The following SH3BGR variants were observed in gnomAD, a reference collection of about 807,000 sequenced individuals.
SH3BGR encodes the protein SH3 domain binding glutamate rich protein, also known as SH3 domain-binding glutamic acid-rich protein.
A neutral mutation model predicts 24.5 loss-of-function variants in SH3BGR; 29 were observed. The observed-to-expected ratio is 1.18, with a 90% CI of 0.88 to 1.61. The LOEUF (loss-of-function observed/expected upper bound fraction) is 1.61, where lower values mean the gene tolerates loss of function less well. SH3BGR is among the 40% of genes most tolerant of loss of function. The probability of loss-of-function intolerance (pLI) is 0.00; values close to 1 mark genes in which losing one functional copy is unlikely to be tolerated. For missense variants in SH3BGR, 162 were observed against 205.8 expected (o/e 0.79, Z 1.30); for synonymous variants, 55 against 65.7 (o/e 0.84, Z 0.79).
intron 3 of SH3BGR, among the ~76,000 whole-genome samples, chr21:39,499,605 C>A (rs1054817272): frequency 6.6e-6 from 1 of 152,164 alleles, no homozygotes; most frequent in African/African-American, 2.4e-5. Context: ...TGTTACCCTG[C>A]AATGCACATA....
intron 4 of SH3BGR, among the ~76,000 whole-genome samples, chr21:39,502,125 A>T (rs757281203): frequency 6.6e-6 from 1 of 152,230 alleles, no homozygotes; most frequent in Non-Finnish European, 1.5e-5. Flanking sequence ...GTGAGCTGAG[A>T]TCGTGCCACT....
chr21:39,494,533 G>A (rs1352866971), intron 3 of SH3BGR, among the ~76,000 whole-genome samples: 2 of 151,870 alleles, frequency 1.3e-5, no homozygotes, highest in East Asian at 3.9e-4. Flanking sequence ...CCTTGGATGT[G>A]TTTTTTTCCC....
At chr21:39,476,906 C>G (rs2078036998) in intron 3 of SH3BGR, among the ~76,000 whole-genome samples, 1 of 152,090 alleles carries the variant, frequency 6.6e-6, no homozygotes, top group African/African-American at 2.4e-5. Flanking sequence ...AAATTTTTGA[C>G]AGAGTTACTG....
intron 3 of SH3BGR, among the ~76,000 whole-genome samples, chr21:39,496,605 A>T (rs1023687756): frequency 2.6e-5 from 4 of 152,282 alleles, no homozygotes; most frequent in Admixed American, 1.3e-4. Context: ...TAGAATTGAT[A>T]AGATGGTTTC....
At chr21:39,452,966 C>A (rs2077598709) in intron 1 of SH3BGR, among the ~76,000 whole-genome samples, 1 of 152,162 alleles carries the variant, frequency 6.6e-6, no homozygotes, top group South Asian at 2.1e-4. Context: ...GTTAGGAAGG[C>A]TGTGGAGAGA....
At chr21:39,503,425 A>AAG (rs1246189307) in intron 4 of SH3BGR, among the ~76,000 whole-genome samples, 1 of 152,100 alleles carries the variant, frequency 6.6e-6, no homozygotes, top group Non-Finnish European at 1.5e-5. Flanking sequence ...TTTTAAAAAA[A>AAG]CCTGCCTTCA....
At chr21:39,477,569 G>A (rs942977501) in intron 3 of SH3BGR, among the ~76,000 whole-genome samples, 1 of 152,060 alleles carries the variant, frequency 6.6e-6, no homozygotes, top group Non-Finnish European at 1.5e-5. Context: ...ATAAATTCCC[G>A]GTAGCTCTTT....
At chr21:39,493,416 G>A (rs181663464) in intron 3 of SH3BGR, among the ~76,000 whole-genome samples, 52 of 152,212 alleles carry the variant, frequency 3.4e-4, no homozygotes, top group African/African-American at 1.1e-3. Flanking sequence ...GTCAAAGATC[G>A]TTGGCTGTAA....
In SH3BGR at chr21:39,458,772, A is replaced by G. The variant is rs140975024; in HGVS notation, c.46-3603A>G. 6.5e-3 allele frequency among the ~76,000 whole-genome samples: 958 copies of G among 148,524 alleles called. 12 individuals carry two copies. The highest frequency in any genetic ancestry group is 0.023 in the African/African-American group (906 of 40,032). Reference sequence around the variant, plus strand: ...AGTGATCCTCCCGCCTCAGCTTCCCAAGTAGCTGGGATTACAGACATGCGC... The same window carrying G: ...AGTGATCCTCCCGCCTCAGCTTCCCGAGTAGCTGGGATTACAGACATGCGC... On this transcript the variant is annotated intron_variant, in intron 1 of 6. Transcript: ENST00000333634.
chr21:39,486,926 C>T (rs1464267425), intron 3 of SH3BGR, among the ~76,000 whole-genome samples: 1 of 152,012 alleles, frequency 6.6e-6, no homozygotes, highest in Non-Finnish European at 1.5e-5. Context: ...GCATGTTGGC[C>T]AGGCTGATCT....
chr21:39,508,731 ATTAATAAT>A (rs2078624684), intron 4 of SH3BGR, among the ~76,000 whole-genome samples: 2 of 152,246 alleles, frequency 1.3e-5, no homozygotes, highest in African/African-American at 4.8e-5. Flanking sequence ...ACTAAGCAGT[ATTAATAAT>A]TACATTTTCT....
chr21:39,504,415 C>T (rs2078548748), intron 4 of SH3BGR, among the ~76,000 whole-genome samples: 1 of 152,186 alleles, frequency 6.6e-6, no homozygotes, highest in African/African-American at 2.4e-5. Flanking sequence ...CTATCTCCCA[C>T]ACCTGCCACC....
intron 2 of SH3BGR, among the ~76,000 whole-genome samples, chr21:39,467,428 T>G (rs2077862636): frequency 6.6e-6 from 1 of 152,228 alleles, no homozygotes; most frequent in South Asian, 2.1e-4. Context: ...AGAGAAGTAT[T>G]TGTAGTTTAC....
At chr21:39,461,482 A>G (rs1034550495) in intron 1 of SH3BGR, among the ~76,000 whole-genome samples, 1 of 152,178 alleles carries the variant, frequency 6.6e-6, no homozygotes, top group African/African-American at 2.4e-5. Flanking sequence ...ATCTGGCAGC[A>G]GTCAGACCAA....
intron 3 of SH3BGR, among the ~76,000 whole-genome samples, chr21:39,497,197 GTATT>G (rs1000631705): frequency 2.4e-4 from 36 of 150,358 alleles, no homozygotes; most frequent in African/African-American, 7.5e-4. Flanking sequence ...CATTGTATCA[GTATT>G]TATATATAGG....
At chr21:39,465,103 A>T (rs1471548371) in intron 2 of SH3BGR, among the ~76,000 whole-genome samples, 1 of 151,922 alleles carries the variant, frequency 6.6e-6, no homozygotes. Flanking sequence ...AAGGGGTCTC[A>T]CTGTGTTGCC....
rs552996474 is a variant in SH3BGR, at chr21:39,484,537, C to T, written c.312+9322C>T. Among the ~76,000 whole-genome samples the T allele has an allele frequency of 1.1e-4, 17 of 152,188 alleles. 1 individual carries two copies. The South Asian group carries it at 2.7e-3, about 24-fold the overall frequency. On this transcript the variant is annotated intron_variant, in intron 3 of 6. Transcript: ENST00000333634. The stretch of plus-strand genomic sequence containing the variant: ...CATTTTTATTTTAATATCTAATCTC[C>T]GTTTTTAGATCCTACCCTGATTTGT...
At chr21:39,497,347 G>A (rs187521650) in intron 3 of SH3BGR, among the ~76,000 whole-genome samples, 8 of 151,508 alleles carry the variant, frequency 5.3e-5, no homozygotes, top group Non-Finnish European at 8.9e-5. Context: ...TGTAGACGTC[G>A]ACTTTACATT....
At position 39,503,935 on chromosome 21, in the gene SH3BGR, T is replaced by C. The variant is rs145849620; in HGVS notation, c.405+4020T>C. ...CCTGGCCTGATAACCCAGGGGAGGG[T>C]GAGGGGCTAAGGAACCGGCGCCTCA... On this transcript the variant is annotated intron_variant, in intron 4 of 6. Transcript: ENST00000333634. 2.0e-3 allele frequency among the ~76,000 whole-genome samples: 305 copies of C among 151,446 alleles called. 4 individuals are homozygous for C. The highest frequency in any genetic ancestry group is 6.8e-3 in the African/African-American group (281 of 41,222).
Sources: allele counts gnomAD v4.1 joint callset (sites outside exome capture counted in the v4.1 genomes callset), GRCh38; gene constraint gnomAD v4.1.1; transcripts MANE v1.5; gene names NCBI Gene and HGNC (gene_info 2026-07-23, HGNC 2026-07-21).